The following CNTNAP4 variants were observed in gnomAD, a reference collection of about 807,000 sequenced individuals.
CNTNAP4 encodes contactin-associated protein-like 4.
In CNTNAP4, 98 loss-of-function variants were observed where a neutral mutation model predicts 148.4. The ratio of observed to expected loss-of-function variants is 0.66; its 90% CI spans 0.56 to 0.78. The LOEUF is 0.78. Among genes scored for constraint, CNTNAP4 ranks in the 30% least tolerant of loss-of-function variants. The pLI is 0.00. For synonymous variants in CNTNAP4, 730 were observed against 565.1 expected (o/e 1.29, Z -4.14); for missense variants, 1,935 against 1,565.6 (o/e 1.24, Z -3.98).
At chr16:76,456,494 A>G (rs796080485) in intron 8 of CNTNAP4, among the ~76,000 whole-genome samples, 3 of 152,338 alleles carry the variant, frequency 2.0e-5, no homozygotes, top group African/African-American at 7.2e-5. Flanking sequence ...GGTTTGTACA[A>G]TAGCCTTGCT....
chr16:76,333,225 T>G (rs1418520976), intron 2 of CNTNAP4, among the ~76,000 whole-genome samples: 1 of 152,158 alleles, frequency 6.6e-6, no homozygotes, highest in African/African-American at 2.4e-5. Flanking sequence ...CCCCATGAGA[T>G]GTTTGAGTGG....
intron 4 of CNTNAP4, among the ~76,000 whole-genome samples, chr16:76,432,844 A>G (rs571971254): frequency 8.5e-5 from 13 of 152,204 alleles, no homozygotes; most frequent in Middle Eastern, 3.4e-3. Flanking sequence ...AGAACATCCA[A>G]CTGTCAAGCC....
chr16:76,407,215 C>A (rs2078626973), intron 3 of CNTNAP4, among the ~76,000 whole-genome samples: 1 of 152,222 alleles, frequency 6.6e-6, no homozygotes, highest in East Asian at 1.9e-4. Context: ...ACATGGTTTA[C>A]TGAATATTTG....
intron 3 of CNTNAP4, among the ~76,000 whole-genome samples, chr16:76,363,238 T>C (rs2013663554): frequency 6.6e-6 from 1 of 151,268 alleles, no homozygotes; most frequent in South Asian, 2.1e-4. Flanking sequence ...TCCCGGCTCA[T>C]TGCAACTTCT....
intron 1 of CNTNAP4, among the ~76,000 whole-genome samples, chr16:76,280,444 T>C (rs1237141331): frequency 6.6e-6 from 1 of 152,178 alleles, no homozygotes; most frequent in Non-Finnish European, 1.5e-5. Flanking sequence ...AGACTCGTGC[T>C]CATTTGTATA....
chr16:76,472,575 AG>A (rs2081414479), intron 10 of CNTNAP4, among the ~76,000 whole-genome samples: 2 of 152,198 alleles, frequency 1.3e-5, no homozygotes, highest in African/African-American at 2.4e-5. Context: ...GTTCCTGCAA[AG>A]GACGTGATGT....
At chr16:76,456,026 A>G (rs1038869241) in intron 8 of CNTNAP4, among the ~76,000 whole-genome samples, 2 of 152,178 alleles carry the variant, frequency 1.3e-5, no homozygotes, top group Non-Finnish European at 2.9e-5. Context: ...GGAAAGAGAG[A>G]GAGAACGTTC....
intron 2 of CNTNAP4, among the ~76,000 whole-genome samples, chr16:76,340,848 C>T (rs932045866): frequency 8.5e-5 from 13 of 152,196 alleles, no homozygotes; most frequent in Non-Finnish European, 1.9e-4. Context: ...GGAGATATGT[C>T]TGCACTGCCA....
At chr16:76,442,105 C>A (rs1046234561) in intron 4 of CNTNAP4, among the ~76,000 whole-genome samples, 2 of 152,026 alleles carry the variant, frequency 1.3e-5, no homozygotes, top group African/African-American at 4.8e-5. Context: ...TTTATCCAGG[C>A]GGACCTGATG....
chr16:76,294,074 A>T (rs1441554347), intron 1 of CNTNAP4, among the ~76,000 whole-genome samples: 1 of 152,178 alleles, frequency 6.6e-6, no homozygotes, highest in East Asian at 1.9e-4. Context: ...AAAATAAATT[A>T]TCAGAGATTT....
intron 21 of CNTNAP4, among the ~76,000 whole-genome samples, chr16:76,549,210 C>T (rs1177191193): frequency 6.6e-6 from 1 of 152,142 alleles, no homozygotes; most frequent in Non-Finnish European, 1.5e-5. Context: ...GCTTGCCTTA[C>T]AGAGGTCCCT....
At chr16:76,537,558 G>C (rs1356319692) in intron 18 of CNTNAP4, among the ~76,000 whole-genome samples, 1 of 152,062 alleles carries the variant, frequency 6.6e-6, no homozygotes, top group African/African-American at 2.4e-5. Flanking sequence ...GGTTAGTTCT[G>C]TTTGTTGATC....
intron 1 of CNTNAP4, 70 bp downstream of exon 1, chr16:76,277,817 A>C: frequency 1.0e-6 from 1 of 966,090 alleles, no homozygotes. Flanking sequence ...TGTTGGTTTG[A>C]TGATGATTAT....
At chr16:76,337,992 C>T (rs1317086280) in intron 2 of CNTNAP4, among the ~76,000 whole-genome samples, 5 of 152,180 alleles carry the variant, frequency 3.3e-5, no homozygotes, top group Admixed American at 2.0e-4. Flanking sequence ...ATTGTTCAAA[C>T]ACACATGTTT....
intron 2 of CNTNAP4, among the ~76,000 whole-genome samples, chr16:76,328,878 C>G (rs1285521843): frequency 6.6e-6 from 1 of 152,160 alleles, no homozygotes; most frequent in Non-Finnish European, 1.5e-5. Flanking sequence ...CTCCTGACCT[C>G]AGGTGATCCA....
At chr16:76,361,744 T>C (rs940568598) in intron 3 of CNTNAP4, among the ~76,000 whole-genome samples, 1 of 152,224 alleles carries the variant, frequency 6.6e-6, no homozygotes, top group African/African-American at 2.4e-5. Context: ...TACTGCATGC[T>C]GTTTTCCATG....
chr16:76,517,760 A>T (rs1406290469), intron 15 of CNTNAP4, among the ~76,000 whole-genome samples: 1 of 152,104 alleles, frequency 6.6e-6, no homozygotes, highest in African/African-American at 2.4e-5. Context: ...TGACCACACC[A>T]ATTTTAGAAC....
chr16:76,335,767 G>A lies in CNTNAP4; in HGVS notation c.196+19244G>A, dbSNP rs184824030. On this transcript the variant is annotated intron_variant, in intron 2 of 23. Transcript: ENST00000611870. ...AAGAACCCCTTATCAGCCCCAGAGG[G>A]CATGTGAGGAGAACTAAAAGCTGCT... is the stretch of plus-strand genomic sequence containing the variant. 7.2e-3 allele frequency among the ~76,000 whole-genome samples: 1,102 copies of A among 152,316 alleles called. 14 individuals are homozygous for A. The highest frequency in any genetic ancestry group is 0.025 in the African/African-American group (1,050 of 41,556).
At chr16:76,444,382 A>T (rs149653915) in intron 4 of CNTNAP4, among the ~76,000 whole-genome samples, 2 of 151,404 alleles carry the variant, frequency 1.3e-5, no homozygotes, top group East Asian at 3.9e-4. Flanking sequence ...GATGTTCTAC[A>T]ATGACATTGA....
Sources: gnomAD v4.1 joint callset for allele counts (sites outside exome capture counted in the v4.1 genomes callset) on GRCh38, gnomAD v4.1.1 for gene constraint, MANE v1.5 for transcripts, NCBI Gene and HGNC (gene_info 2026-07-23, HGNC 2026-07-21) for gene names.